The following PRKCB variants were observed in gnomAD, a reference collection of about 807,000 sequenced individuals.
PRKCB encodes protein kinase C beta.
In PRKCB, 13 loss-of-function variants were observed where a neutral mutation model predicts 81.5. That is an observed-to-expected ratio of 0.16 (90% CI 0.10 to 0.25). PRKCB has a LOEUF of 0.25. Among genes scored for constraint, PRKCB ranks in the 10% least tolerant of loss-of-function variants. The pLI is 1.00. For missense variants in PRKCB, 509 were observed against 875.7 expected, an observed-to-expected ratio of 0.58 and a Z score of 5.29; for synonymous variants, 335 against 321.4, an observed-to-expected ratio of 1.04 and a Z score of -0.45.
At chr16:23,955,849 G>T (rs990837486) in intron 2 of PRKCB, among the ~76,000 whole-genome samples, 4 of 152,102 alleles carry the variant, frequency 2.6e-5, no homozygotes, top group African/African-American at 7.2e-5. Flanking sequence ...CTTTGTCCCT[G>T]CACTGACTTT....
intron 2 of PRKCB, among the ~76,000 whole-genome samples, chr16:23,934,023 A>G (rs551269566): frequency 2.8e-5 from 1 of 35,992 alleles, no homozygotes; most frequent in Admixed American, 4.4e-4. Context: ...CTACCCACTC[A>G]TCCATCCATC....
At chr16:23,968,894 G>T (rs1596491424) in intron 2 of PRKCB, among the ~76,000 whole-genome samples, 1 of 152,190 alleles carries the variant, frequency 6.6e-6, no homozygotes, top group Middle Eastern at 3.4e-3. Flanking sequence ...GGAGCTAAAG[G>T]TCCTGAGAAA....
intron 5 of PRKCB, among the ~76,000 whole-genome samples, chr16:24,073,657 A>G (rs946270140): frequency 4.6e-5 from 7 of 152,146 alleles, no homozygotes; most frequent in African/African-American, 1.4e-4. Context: ...GTCTCAGTCT[A>G]AAGTTCAATA....
In PRKCB at chr16:24,095,294, C is replaced by T. The variant is rs563839178; in HGVS notation, c.821+997C>T. Among the ~76,000 whole-genome samples, 5 of 152,168 alleles carry T rather than the reference C, an allele frequency of 3.3e-5. No individual in the cohort carries two copies. The South Asian group carries it at 1.0e-3, about 32-fold the overall frequency. On this transcript the variant is annotated intron_variant, in intron 7 of 16. Coordinates refer to ENST00000643927, the MANE Select transcript of PRKCB (RefSeq NM_002738.7). The stretch of plus-strand genomic sequence containing the variant: ...ATCAGCCTCCCTGAAAATTTGGAAG[C>T]TAGGGCTTTTCAAAGATAGTTTGGC...
chr16:23,952,339 T>G (rs1178345816), intron 2 of PRKCB, among the ~76,000 whole-genome samples: 1 of 152,230 alleles, frequency 6.6e-6, no homozygotes, highest in Admixed American at 6.5e-5. Flanking sequence ...TGTGTGTATG[T>G]GCACGCACGT....
intron 10 of PRKCB, 51 bp downstream of exon 10, chr16:24,154,908 T>C (rs1002934805): frequency 1.3e-6 from 2 of 1,574,272 alleles, no homozygotes; most frequent in Non-Finnish European, 1.7e-6. Flanking sequence ...TTCACCAGGC[T>C]TTGGCCAAAG....
intron 5 of PRKCB, among the ~76,000 whole-genome samples, chr16:24,062,970 T>G (rs565224084): frequency 2.0e-5 from 3 of 152,028 alleles, no homozygotes; most frequent in African/African-American, 7.2e-5. Context: ...AGGCATTGAT[T>G]GGCAAGAGAT....
chr16:24,034,111 G>A (rs1965583318), intron 4 of PRKCB, among the ~76,000 whole-genome samples: 1 of 152,188 alleles, frequency 6.6e-6, no homozygotes, highest in African/African-American at 2.4e-5. Flanking sequence ...CAGTGAGGTT[G>A]GAGCCTTCTG....
chr16:23,996,338 C>T (rs907180274), intron 3 of PRKCB, among the ~76,000 whole-genome samples: 26 of 152,122 alleles, frequency 1.7e-4, no homozygotes, highest in Admixed American at 1.4e-3. Context: ...ACAAAGTGGC[C>T]GTGGTGGCAG....
At chr16:24,007,059 T>C (rs1965133805) in intron 3 of PRKCB, among the ~76,000 whole-genome samples, 1 of 152,202 alleles carries the variant, frequency 6.6e-6, no homozygotes, top group Non-Finnish European at 1.5e-5. Context: ...GTATAAAAGC[T>C]CTGAAACCAG....
intron 5 of PRKCB, among the ~76,000 whole-genome samples, chr16:24,055,399 G>A (rs1235858171): frequency 6.6e-6 from 1 of 152,300 alleles, no homozygotes; most frequent in East Asian, 1.9e-4. Context: ...GACTGCTATT[G>A]TCTGTTCCTC....
intron 3 of PRKCB, among the ~76,000 whole-genome samples, chr16:23,992,873 C>T (rs767745667): frequency 3.3e-5 from 5 of 152,252 alleles, no homozygotes; most frequent in East Asian, 1.9e-4. Flanking sequence ...AAGCTGGGGA[C>T]ATTGAGCCCC....
intron 10 of PRKCB, among the ~76,000 whole-genome samples, chr16:24,160,862 G>T (rs963530059): frequency 6.6e-6 from 1 of 152,194 alleles, no homozygotes; most frequent in Non-Finnish European, 1.5e-5. Flanking sequence ...TCTGGGGGCA[G>T]AGTGTTCCAG....
chr16:23,928,292 A>T (rs917488203), intron 2 of PRKCB, among the ~76,000 whole-genome samples: 1 of 151,584 alleles, frequency 6.6e-6, no homozygotes, highest in African/African-American at 2.4e-5. Context: ...TGCCCGGCTA[A>T]TTTTTTTGTA....
At chr16:24,096,669 AT>A (rs1966447863) in intron 7 of PRKCB, among the ~76,000 whole-genome samples, 9 of 20,436 alleles carry the variant, frequency 4.4e-4, no homozygotes, top group South Asian at 1.8e-3. Context: ...AAAAAAAAAT[AT>A]ATATATATAT....
rs578168356 is a variant in PRKCB, at chr16:24,219,288, C to G, written c.*4472C>G. On this transcript the variant is annotated 3_prime_UTR_variant, in exon 17 of 17. Coordinates refer to ENST00000643927, the MANE Select transcript of PRKCB (RefSeq NM_002738.7). The stretch of plus-strand genomic sequence containing the variant: ...TTGTTTTGTTTTAAGGCTCCCCTTA[C>G]ACACCCTCCTTTAAGCTTTGGGTTT... 1.7e-5 allele frequency: 16 copies of G among 959,560 alleles called. No individual in the cohort carries two copies. In the African/African-American group the frequency reaches 3.5e-4, roughly 21 times the overall value. The allele number at this position is 959,560 out of a possible 1,614,324, so 59.4% of individuals were successfully genotyped here.
At chr16:24,018,580 A>G (rs1016607382) in intron 3 of PRKCB, among the ~76,000 whole-genome samples, 2 of 152,246 alleles carry the variant, frequency 1.3e-5, no homozygotes, top group African/African-American at 4.8e-5. Context: ...CTATATTGAC[A>G]TGGACTGCAG....
At chr16:23,938,345 C>T (rs991818437) in intron 2 of PRKCB, among the ~76,000 whole-genome samples, 12 of 152,118 alleles carry the variant, frequency 7.9e-5, no homozygotes, top group Non-Finnish European at 1.6e-4. Flanking sequence ...AATCTACCAC[C>T]ACTGAAAAAG....
At chr16:24,105,120 G>A (rs968470993) in intron 7 of PRKCB, among the ~76,000 whole-genome samples, 1 of 151,208 alleles carries the variant, frequency 6.6e-6, no homozygotes, top group Non-Finnish European at 1.5e-5. Flanking sequence ...GCAGTGGCAC[G>A]ATCTCAGCTC....
Sources: allele counts gnomAD v4.1 joint callset (sites outside exome capture counted in the v4.1 genomes callset), GRCh38; gene constraint gnomAD v4.1.1; transcripts MANE v1.5; gene names NCBI Gene and HGNC (gene_info 2026-07-23, HGNC 2026-07-21).